Variants in MSMO1 observed in about 807,000 individuals in gnomAD.
MSMO1 encodes the protein methylsterol monooxygenase 1.
MSMO1 carries 18 observed loss-of-function variants against 30.4 expected under a neutral mutation model. That is an observed-to-expected ratio of 0.59 (90% confidence interval 0.41 to 0.88). MSMO1 has a LOEUF of 0.88. Among genes scored for constraint, MSMO1 ranks in the 40% least tolerant of loss-of-function variants. The pLI, the probability that MSMO1 is intolerant of heterozygous loss-of-function variation, is 0.00. For missense variants in MSMO1, 284 were observed against 340.5 expected, an observed-to-expected ratio of 0.83 and a Z score of 1.31; for synonymous variants, 84 against 107.9, an observed-to-expected ratio of 0.78 and a Z score of 1.37.
rs1005145169 is a variant in MSMO1, at chr4:165,340,266, C to G, written c.577C>G (p.Leu193Val). Residue 193 changes from leucine (L) to valine (V), a missense_variant, in exon 5 of 6, where the codon CTA becomes GTA. By Grantham distance (32) the Leu-to-Val change is conservative. Transcript: ENST00000261507. Reference protein sequence around the residue: ...EAEYAHPLETLILGTGFFIGI... With the variant: ...EAEYAHPLETVILGTGFFIGI... Reference sequence around the variant, plus strand: ...TGAATATGCACATCCTTTGGAGACTCTAATTCTTGGAACTGGATTTTTCAT... The same window carrying G: ...TGAATATGCACATCCTTTGGAGACTGTAATTCTTGGAACTGGATTTTTCAT... 6 of 1,613,850 alleles carry G rather than the reference C, an allele frequency of 3.7e-6. No individual in the cohort carries two copies. The highest frequency in any genetic ancestry group is 1.1e-5 in the South Asian group (1 of 91,090).
chr4:165,332,360 C>T (rs368690809), intron 1 of MSMO1, among the ~76,000 whole-genome samples: 2 of 152,146 alleles, frequency 1.3e-5, no homozygotes, highest in Non-Finnish European at 2.9e-5. Context: ...GTATAATTGT[C>T]TATGGAAGGA....
intron 4 of MSMO1, among the ~76,000 whole-genome samples, chr4:165,339,577 C>T (rs11726415): frequency 0.25 from 38,326 of 152,078 alleles, 5,544 homozygotes; most frequent in Non-Finnish European, 0.33. Flanking sequence ...CTTAAACCAT[C>T]AAAGACAGCA....
intron 1 of MSMO1, among the ~76,000 whole-genome samples, chr4:165,329,240 C>T (rs1199532773): frequency 6.6e-6 from 1 of 152,042 alleles, no homozygotes. Flanking sequence ...ATGCAAAACC[C>T]CTCCCTTGAC....
chr4:165,340,649 T>TA (rs931770139), intron 5 of MSMO1: 3 of 400,674 alleles, frequency 7.5e-6, no homozygotes, highest in African/African-American at 6.1e-5. Flanking sequence ...AACCTAAACT[T>TA]AACTCATATT....
intron 4 of MSMO1, among the ~76,000 whole-genome samples, chr4:165,339,426 C>T (rs1482719626): frequency 6.6e-6 from 1 of 152,054 alleles, no homozygotes; most frequent in Non-Finnish European, 1.5e-5. Context: ...TTTGATGTAG[C>T]TTTGTCAACT....
rs1560847652 is a variant in MSMO1, at chr4:165,333,440, T to G, written c.70T>G (p.Leu24Val). The G allele has an allele frequency of 6.2e-7, 1 of 1,612,422 alleles. No individual in the cohort carries two copies. The highest frequency in any genetic ancestry group is 8.5e-7 in the Non-Finnish European group (1 of 1,179,686). ...SLAVEYVDSL[L>V]PENPLQEPFK... Reference sequence around the variant, plus strand: ...GGCTGTGGAATATGTAGATTCACTTTTACCTGAGAATCCTCTGCAAGAACC... The same window carrying G: ...GGCTGTGGAATATGTAGATTCACTTGTACCTGAGAATCCTCTGCAAGAACC... Residue 24 changes from leucine to valine, a missense_variant, in exon 2 of 6, where the codon TTA becomes GTA. Transcript: ENST00000261507.
chr4:165,342,110 C>T lies in MSMO1; in HGVS notation c.*164C>T, dbSNP rs1158543433. Reference sequence around the variant, plus strand: ...ACCTTCCTAGTGGGAACTTTTTCTACTTTACCTACAAGTTCTATATATGTA... The same window carrying T: ...ACCTTCCTAGTGGGAACTTTTTCTATTTTACCTACAAGTTCTATATATGTA... On this transcript the variant is annotated 3_prime_UTR_variant, in exon 6 of 6. Transcript: ENST00000261507. The T allele has an allele frequency of 3.3e-6, 2 of 609,766 alleles. No individual in the cohort carries two copies. The highest frequency in any genetic ancestry group is 2.0e-5 in the South Asian group (1 of 50,426). 37.8% of individuals were successfully genotyped at this position (609,766 alleles called of 1,614,324 possible).
intron 3 of MSMO1, 64 bp from the exon 4 acceptor site, chr4:165,338,588 C>A: frequency 6.9e-7 from 1 of 1,457,912 alleles, no homozygotes; most frequent in Admixed American, 1.7e-5. Flanking sequence ...GTGATCCCAA[C>A]TAAAAGTCTG....
rs986819899 is a variant in MSMO1, at chr4:165,333,595, A to G, written c.225A>G (p.Ile75Met). ...FCLPGFLFQF[I>M]PYMKKYKIQK... Reference sequence around the variant, plus strand: ...TACCTGGATTTTTATTTCAATTTATACCTTATATGAAAAAATACAAAATTC... The same window carrying G: ...TACCTGGATTTTTATTTCAATTTATGCCTTATATGAAAAAATACAAAATTC... The change falls in exon 2 of 6, where the codon ATA becomes ATG. Residue 75 changes from isoleucine to methionine, a missense_variant. Physicochemically the swap from Ile to Met is conservative, Grantham distance 10. Transcript: ENST00000261507. 6.3e-7 allele frequency: 1 copy of G among 1,598,334 alleles called. No homozygotes were observed. The highest frequency in any genetic ancestry group is 8.5e-7 in the Non-Finnish European group (1 of 1,173,036).
rs1390553532 is a variant in MSMO1 at position 165,340,341 on chromosome 4, A to T, written c.652A>T (p.Thr218Ser). 3 of 1,613,800 alleles carry T rather than the reference A, an allele frequency of 1.9e-6. No individual in the cohort carries two copies. Among genetic ancestry groups the T allele is most frequent in the Non-Finnish European group, 2.5e-6 (3 of 1,179,844 alleles). The change falls in exon 5 of 6, where the codon ACC (threonine) becomes TCC (serine). Residue 218 changes from threonine (T) to serine (S), a missense_variant. Physicochemically the swap from Thr to Ser is moderately conservative, Grantham distance 58 (BLOSUM62 1). Coordinates refer to ENST00000261507, the MANE Select transcript of MSMO1 (RefSeq NM_006745.5). ...DHVILLWAWV[T>S]IRLLETIDVH... Reference sequence around the variant, plus strand: ...TGTAATTCTTCTTTGGGCATGGGTGACCATTCGTTTATTAGAAACTATTGA... The same window carrying T: ...TGTAATTCTTCTTTGGGCATGGGTGTCCATTCGTTTATTAGAAACTATTGA...
rs1165537218 is a variant in MSMO1, at chr4:165,338,789, G to A, written c.531+11G>A. 1 of 1,572,792 alleles carries A rather than the reference G, an allele frequency of 6.4e-7. No homozygotes were observed. The highest frequency in any genetic ancestry group is 1.4e-5 in the African/African-American group (1 of 73,908). ...CATCATGAGTTTCAGGTATGTGAGA[G>A]TTATATTTAATTCTTTCTGTTAGAG... On this transcript the variant is annotated intron_variant, in intron 4 of 5. Transcript: ENST00000261507.
intron 1 of MSMO1, among the ~76,000 whole-genome samples, chr4:165,331,955 C>T (rs562861036): frequency 0.03 from 4,505 of 148,534 alleles, 210 homozygotes; most frequent in African/African-American, 0.11. Flanking sequence ...GTAACACTCT[C>T]CCCTACCCCG....
chr4:165,332,141 T>TTG (rs34479750), intron 1 of MSMO1, among the ~76,000 whole-genome samples: 97,411 of 151,890 alleles, frequency 0.64, 31,892 homozygotes, highest in East Asian at 0.98. Context: ...ATTTTTCCCT[T>TTG]TATCCATATG....
intron 1 of MSMO1, 144 bp downstream of exon 1, chr4:165,327,908 G>A (rs59797018): frequency 0.027 from 4,098 of 152,662 alleles, 65 homozygotes; most frequent in African/African-American, 0.039. Context: ...CCCGAGACGG[G>A]GCGGAAGGAG....
chr4:165,341,598 GTGTT>G (rs1394585527), intron 5 of MSMO1, among the ~76,000 whole-genome samples, 149 bp from the exon 6 acceptor site: 7 of 151,850 alleles, frequency 4.6e-5, no homozygotes, highest in Non-Finnish European at 1.0e-4. Context: ...ACCATTTTCT[GTGTT>G]TGCTGTTTGT....
chr4:165,340,510 G>A (rs910329914), intron 5 of MSMO1, 135 bp downstream of exon 5: 1 of 775,504 alleles, frequency 1.3e-6, no homozygotes, highest in East Asian at 2.7e-5. Context: ...AAACATAACT[G>A]TTGGATAAAA....
At position 165,343,130 on chromosome 4, in the gene MSMO1, C is replaced by G. The variant is rs141064369; in HGVS notation, c.*1184C>G. 24 of 149,246 alleles carry G rather than the reference C, an allele frequency of 1.6e-4. No homozygotes were observed. The East Asian group carries it at 4.2e-3, about 26-fold the overall frequency. 9.2% of individuals were successfully genotyped at this position (149,246 alleles called of 1,614,324 possible). On this transcript the variant is annotated 3_prime_UTR_variant, in exon 6 of 6. Transcript: ENST00000261507. ...CCTTTTATTCTTAAACTTGAAAGTA[C>G]AGAAATCATTAAATTATTAAGTTGT...
rs773787661 is a variant in MSMO1 at position 165,333,072 on chromosome 4, A to G, written c.-31-268A>G. On this transcript the variant is annotated intron_variant, in intron 1 of 5. Coordinates refer to ENST00000261507, the MANE Select transcript of MSMO1 (RefSeq NM_006745.5). ...GATTTCTTTAAATATAGCTTGAAAA[A>G]ATTTTTCCCCTATTGTTCTTTTAGC... Among the ~76,000 whole-genome samples the G allele has an allele frequency of 4.3e-4, 65 of 152,182 alleles. 1 individual carries two copies. The Middle Eastern group carries it at 0.017, about 40-fold the overall frequency.
chr4:165,331,798 T>C (rs17686351), intron 1 of MSMO1, among the ~76,000 whole-genome samples: 23,565 of 152,192 alleles, frequency 0.15, 2,520 homozygotes, highest in East Asian at 0.55. Flanking sequence ...GAGAAGTTTA[T>C]TTTTTGGTTA....
Sources: allele counts gnomAD v4.1 joint callset (sites outside exome capture counted in the v4.1 genomes callset), GRCh38; gene constraint gnomAD v4.1.1; transcripts MANE v1.5; gene names NCBI Gene and HGNC (gene_info 2026-07-23, HGNC 2026-07-21).